PABPC4L: variants seen among roughly 807,000 people sequenced by gnomAD.
PABPC4L encodes the protein polyadenylate-binding protein 4-like.
For synonymous variants in PABPC4L, 169 were observed against 164.1 expected, an observed-to-expected ratio of 1.03 and a Z score of -0.23; for missense variants, 452 against 451.4, an observed-to-expected ratio of 1.00 and a Z score of -0.01.
At chr4:134,126,527 G>A in the PABPC4L span, among the ~76,000 whole-genome samples, 14 of 152,130 alleles carry the variant, frequency 9.2e-5, no homozygotes, top group East Asian at 3.9e-4. Flanking sequence ...GGGATACTTC[G>A]TTATCAGAGG....
the PABPC4L span, among the ~76,000 whole-genome samples, chr4:134,084,623 AGAAAG>A: frequency 6.6e-6 from 1 of 152,140 alleles, no homozygotes; most frequent in Admixed American, 6.6e-5. Flanking sequence ...TTACAGAAAA[AGAAAG>A]GAAGAAAGAA....
At chr4:134,186,665 T>C in the PABPC4L span, among the ~76,000 whole-genome samples, 1 of 152,032 alleles carries the variant, frequency 6.6e-6, no homozygotes, top group Admixed American at 6.6e-5. Flanking sequence ...CCAAAAGCAA[T>C]GGCAACGAAA....
the PABPC4L span, among the ~76,000 whole-genome samples, chr4:134,024,955 AGG>A: frequency 8.6e-5 from 12 of 139,048 alleles, no homozygotes; most frequent in East Asian, 2.2e-3. Flanking sequence ...TTTTAAGAAA[AGG>A]GGTCTTACTC....
the PABPC4L span, among the ~76,000 whole-genome samples, chr4:134,042,934 T>A: frequency 6.6e-6 from 1 of 152,056 alleles, no homozygotes; most frequent in Non-Finnish European, 1.5e-5. Flanking sequence ...AAGCTTAGAA[T>A]TCCGTGACTC....
At chr4:134,160,785 G>T in the PABPC4L span, among the ~76,000 whole-genome samples, 1 of 151,958 alleles carries the variant, frequency 6.6e-6, no homozygotes, top group African/African-American at 2.4e-5. Context: ...GATTGCTCAA[G>T]CCTAGGAGTT....
At chr4:134,156,148 G>T in the PABPC4L span, among the ~76,000 whole-genome samples, 1 of 151,870 alleles carries the variant, frequency 6.6e-6, no homozygotes, top group African/African-American at 2.4e-5. Flanking sequence ...TAATTTAGCA[G>T]ATAATTTACA....
the PABPC4L span, among the ~76,000 whole-genome samples, chr4:133,989,586 A>G: frequency 4.1e-3 from 622 of 152,178 alleles, 6 homozygotes; most frequent in African/African-American, 0.014. Flanking sequence ...ACTGCCTCAC[A>G]TCTCTCTGTC....
chr4:134,178,694 A>T, the PABPC4L span, among the ~76,000 whole-genome samples: 1 of 152,152 alleles, frequency 6.6e-6, no homozygotes, highest in Admixed American at 6.6e-5. Flanking sequence ...CATTATAAGA[A>T]AGTACTAAAC....
the PABPC4L span, among the ~76,000 whole-genome samples, chr4:134,079,673 G>C: frequency 1.4e-5 from 2 of 147,406 alleles, no homozygotes; most frequent in Non-Finnish European, 3.0e-5. Context: ...GTGTATGTCT[G>C]TGTGTGTGTG....
chr4:133,977,013 C>T, the PABPC4L span, among the ~76,000 whole-genome samples: 1 of 152,090 alleles, frequency 6.6e-6, no homozygotes, highest in Non-Finnish European at 1.5e-5. Context: ...AATGGTGTTA[C>T]CTAGACTTTC....
chr4:133,952,301 C>T, the PABPC4L span, among the ~76,000 whole-genome samples: 1 of 152,016 alleles, frequency 6.6e-6, no homozygotes, highest in African/African-American at 2.4e-5. Context: ...AAAGAGTGTC[C>T]TAATCTTAGA....
the PABPC4L span, among the ~76,000 whole-genome samples, chr4:134,091,663 T>C: frequency 6.6e-6 from 1 of 151,790 alleles, no homozygotes; most frequent in Non-Finnish European, 1.5e-5. Context: ...TATATATAAA[T>C]ATAGATAAAT....
At chr4:134,107,955 G>T in the PABPC4L span, among the ~76,000 whole-genome samples, 1 of 151,416 alleles carries the variant, frequency 6.6e-6, no homozygotes, top group Non-Finnish European at 1.5e-5. Context: ...TACAGTAGAA[G>T]AGATATGACA....
chr4:134,184,688 C>A, the PABPC4L span, among the ~76,000 whole-genome samples: 14 of 151,876 alleles, frequency 9.2e-5, no homozygotes, highest in African/African-American at 3.4e-4. Context: ...TAACTTTTCA[C>A]TCCTTTGTGT....
chr4:134,123,223 T>C, the PABPC4L span, among the ~76,000 whole-genome samples: 4 of 152,170 alleles, frequency 2.6e-5, no homozygotes, highest in African/African-American at 7.2e-5. Context: ...ATTAAGGTTA[T>C]TCAACACACA....
At chr4:133,961,165 C>A in the PABPC4L span, among the ~76,000 whole-genome samples, 2 of 152,108 alleles carry the variant, frequency 1.3e-5, no homozygotes, top group African/African-American at 4.8e-5. Flanking sequence ...CCATTTCACC[C>A]TCCTGCCATC....
the PABPC4L span, among the ~76,000 whole-genome samples, chr4:133,957,127 A>T: frequency 6.6e-6 from 1 of 152,172 alleles, no homozygotes; most frequent in Non-Finnish European, 1.5e-5. Flanking sequence ...CCAAAAGTCA[A>T]AGTCCAAAAT....
At chr4:134,093,799 T>A in the PABPC4L span, among the ~76,000 whole-genome samples, 56 of 151,768 alleles carry the variant, frequency 3.7e-4, 2 homozygotes, top group Admixed American at 3.4e-3. Flanking sequence ...TTCTTTTTTC[T>A]GTTTATATTG....
the PABPC4L span, among the ~76,000 whole-genome samples, chr4:133,995,087 A>C: frequency 6.6e-6 from 1 of 152,164 alleles, no homozygotes; most frequent in Non-Finnish European, 1.5e-5. Context: ...GCATTGCCCT[A>C]GTTTGGAGCG....
Sources: allele counts gnomAD v4.1 joint callset (sites outside exome capture counted in the v4.1 genomes callset), GRCh38; gene constraint gnomAD v4.1.1; transcripts MANE v1.5; gene names NCBI Gene and HGNC (gene_info 2026-07-23, HGNC 2026-07-21).